Variants in RSPO2 observed in about 807,000 individuals in gnomAD.
RSPO2 encodes the protein R-spondin-2.
In RSPO2, 14 loss-of-function variants were observed where a neutral mutation model predicts 30.9. The observed-to-expected ratio is 0.45, with a 90% CI of 0.30 to 0.71. RSPO2 has a LOEUF of 0.71. Ranked by LOEUF, RSPO2 falls within the 30% of genes least tolerant of loss-of-function variation. The pLI is 0.08. For missense variants in RSPO2, 264 were observed against 301.9 expected (o/e 0.87, Z 0.93); for synonymous variants, 107 against 96.4 (o/e 1.11, Z -0.64).
intron 3 of RSPO2, among the ~76,000 whole-genome samples, chr8:107,967,388 C>A (rs1247611595): frequency 6.6e-6 from 1 of 152,128 alleles, no homozygotes; most frequent in Non-Finnish European, 1.5e-5. Context: ...TTATCAAAAT[C>A]ATGCATTTCT....
At position 108,082,804 on chromosome 8, in the gene RSPO2, G is replaced by T. The variant is rs1586688343; in HGVS notation, c.-166C>A. 3.5e-5 allele frequency: 20 copies of T among 577,542 alleles called. No individual in the cohort carries two copies. The East Asian group carries it at 5.8e-4, about 17-fold the overall frequency. 35.8% of individuals were successfully genotyped at this position (577,542 alleles called of 1,614,324 possible). ...AGCGCGATCAGCATCTCTCCGCCAC[G>T]AACCTGAGAGACAAGAAGCGAAAAC... is the stretch of plus-strand genomic sequence containing the variant. On this transcript the variant is annotated 5_prime_UTR_variant, in exon 2 of 6. Transcript: ENST00000276659.
intron 2 of RSPO2, among the ~76,000 whole-genome samples, chr8:108,048,922 G>A (rs982649401): frequency 4.5e-4 from 69 of 152,060 alleles, no homozygotes; most frequent in Non-Finnish European, 5.7e-4. Flanking sequence ...TCATTTCGTT[G>A]TTTAGCCAGT....
At chr8:107,990,438 A>G (rs1160019803) in intron 2 of RSPO2, among the ~76,000 whole-genome samples, 1 of 152,074 alleles carries the variant, frequency 6.6e-6, no homozygotes, top group East Asian at 1.9e-4. Context: ...CAAATCACAA[A>G]CAAACTCTCA....
chr8:108,081,830 T>G, intron 2 of RSPO2: 1 of 873,348 alleles, frequency 1.1e-6, no homozygotes, highest in Non-Finnish European at 1.4e-6. Flanking sequence ...GCAAAGCAAA[T>G]GGAGAGAGCG....
intron 2 of RSPO2, among the ~76,000 whole-genome samples, chr8:108,069,824 A>T (rs756067287): frequency 1.7e-4 from 25 of 151,460 alleles, no homozygotes; most frequent in Non-Finnish European, 2.6e-4. Flanking sequence ...GTAACTTAAG[A>T]TGATATACTT....
At chr8:108,062,039 T>C (rs1202038921) in intron 2 of RSPO2, among the ~76,000 whole-genome samples, 1 of 151,794 alleles carries the variant, frequency 6.6e-6, no homozygotes, top group African/African-American at 2.4e-5. Flanking sequence ...TAAAGCAGTG[T>C]GTAGAGGGAA....
At chr8:107,963,284 C>T (rs1813691223) in intron 3 of RSPO2, among the ~76,000 whole-genome samples, 1 of 150,554 alleles carries the variant, frequency 6.6e-6, no homozygotes, top group South Asian at 2.1e-4. Flanking sequence ...TCTGTAATTC[C>T]AACACTTTGG....
intron 2 of RSPO2, among the ~76,000 whole-genome samples, chr8:107,997,613 G>A (rs1470576866): frequency 6.6e-6 from 1 of 152,110 alleles, no homozygotes; most frequent in Non-Finnish European, 1.5e-5. Flanking sequence ...ATATTATAGG[G>A]ATTTAGCAAA....
At chr8:107,921,782 A>T (rs1812182704) in intron 5 of RSPO2, among the ~76,000 whole-genome samples, 1 of 152,186 alleles carries the variant, frequency 6.6e-6, no homozygotes. Flanking sequence ...TATCATTGGG[A>T]TGCAAGGTTG....
At chr8:107,944,337 T>A (rs1160471209) in intron 5 of RSPO2, among the ~76,000 whole-genome samples, 3 of 152,206 alleles carry the variant, frequency 2.0e-5, no homozygotes, top group African/African-American at 7.2e-5. Flanking sequence ...ATCATGTGCT[T>A]ATCCACCTTA....
intron 5 of RSPO2, among the ~76,000 whole-genome samples, chr8:107,935,351 G>T (rs557257911): frequency 6.6e-6 from 1 of 152,100 alleles, no homozygotes; most frequent in South Asian, 2.1e-4. Context: ...GAATAAAATG[G>T]ATATAATCTA....
intron 2 of RSPO2, among the ~76,000 whole-genome samples, chr8:108,000,515 A>C (rs1815205937): frequency 6.6e-6 from 1 of 151,978 alleles, no homozygotes; most frequent in Admixed American, 6.6e-5. Context: ...GCAAGGCAAG[A>C]TACTTTTGAG....
At chr8:108,063,079 T>C (rs188198627) in intron 2 of RSPO2, among the ~76,000 whole-genome samples, 2 of 151,958 alleles carry the variant, frequency 1.3e-5, no homozygotes, top group South Asian at 2.1e-4. Context: ...AATATCATAC[T>C]GAATGGGCAA....
intron 5 of RSPO2, among the ~76,000 whole-genome samples, chr8:107,938,739 A>G (rs1259197000): frequency 6.6e-6 from 1 of 152,174 alleles, no homozygotes; most frequent in East Asian, 1.9e-4. Context: ...ATTTAAACAC[A>G]ACAAAAGCTC....
At chr8:107,928,170 A>G (rs1047648474) in intron 5 of RSPO2, among the ~76,000 whole-genome samples, 1 of 151,966 alleles carries the variant, frequency 6.6e-6, no homozygotes, top group Non-Finnish European at 1.5e-5. Flanking sequence ...GATTATTTGA[A>G]CTCTGAACCC....
intron 2 of RSPO2, among the ~76,000 whole-genome samples, chr8:108,019,800 G>A (rs1811002784): frequency 6.6e-6 from 1 of 152,138 alleles, no homozygotes; most frequent in Non-Finnish European, 1.5e-5. Flanking sequence ...AGTCCCTTAT[G>A]GGGATATGAT....
chr8:107,980,410 C>T (rs1466369431), intron 3 of RSPO2, among the ~76,000 whole-genome samples: 1 of 152,154 alleles, frequency 6.6e-6, no homozygotes, highest in African/African-American at 2.4e-5. Context: ...GCTGTTTTCA[C>T]CAGGCTTTCT....
chr8:107,992,693 C>T (rs1356656349), intron 2 of RSPO2, among the ~76,000 whole-genome samples: 6 of 151,944 alleles, frequency 3.9e-5, no homozygotes, highest in African/African-American at 1.5e-4. Context: ...CATTTACATG[C>T]CATGAGAATA....
intron 2 of RSPO2, among the ~76,000 whole-genome samples, chr8:108,063,232 A>G (rs1472108292): frequency 6.6e-6 from 1 of 151,834 alleles, no homozygotes; most frequent in Non-Finnish European, 1.5e-5. Flanking sequence ...GGAAAAGAGG[A>G]AGTCAATTGT....
Sources: allele counts gnomAD v4.1 joint callset (sites outside exome capture counted in the v4.1 genomes callset), GRCh38; gene constraint gnomAD v4.1.1; transcripts MANE v1.5; gene names NCBI Gene and HGNC (gene_info 2026-07-23, HGNC 2026-07-21).